NR3C2: variants seen among roughly 807,000 people sequenced by gnomAD.
NR3C2 encodes mineralocorticoid receptor.
In NR3C2, 15 loss-of-function variants were observed where a neutral mutation model predicts 86.4. That is an observed-to-expected ratio of 0.17 (90% confidence interval 0.12 to 0.27). The LOEUF (loss-of-function observed/expected upper bound fraction) is 0.27, where lower values mean the gene tolerates loss of function less well. Ranked by LOEUF, NR3C2 falls within the 10% of genes least tolerant of loss-of-function variation. The probability of loss-of-function intolerance (pLI) is 1.00; values close to 1 mark genes in which losing one functional copy is unlikely to be tolerated. For missense variants in NR3C2, 960 were observed against 1,195.6 expected (o/e 0.80, Z 2.91); for synonymous variants, 458 against 450.5 (o/e 1.02, Z -0.21).
At chr4:148,327,432 C>T (rs1744025562) in intron 2 of NR3C2, among the ~76,000 whole-genome samples, 1 of 152,048 alleles carries the variant, frequency 6.6e-6, no homozygotes, top group African/African-American at 2.4e-5. Flanking sequence ...AATCTAAAAA[C>T]AAAAACAAAA....
chr4:148,426,807 T>C (rs1044189664), intron 2 of NR3C2, among the ~76,000 whole-genome samples: 1 of 152,208 alleles, frequency 6.6e-6, no homozygotes, highest in South Asian at 2.1e-4. Context: ...GCAATTTCTA[T>C]GAAGAGGCCT....
chr4:148,307,984 T>A (rs1375500122), intron 2 of NR3C2, among the ~76,000 whole-genome samples: 1 of 152,118 alleles, frequency 6.6e-6, no homozygotes, highest in African/African-American at 2.4e-5. Context: ...GCAACAGGAC[T>A]GAGCAGAGAT....
At chr4:148,204,458 T>C (rs1203430416) in intron 3 of NR3C2, among the ~76,000 whole-genome samples, 2 of 152,178 alleles carry the variant, frequency 1.3e-5, no homozygotes, top group Non-Finnish European at 2.9e-5. Flanking sequence ...TCATACCTAA[T>C]TTAAACCTTT....
In NR3C2 at chr4:148,311,194, A is replaced by G. The variant is rs577261048; in HGVS notation, c.1758-51077T>C. Among the ~76,000 whole-genome samples the G allele has an allele frequency of 1.6e-4, 25 of 152,112 alleles. No homozygotes were observed. In the East Asian group the frequency reaches 3.3e-3, roughly 20 times the overall value. On this transcript the variant is annotated intron_variant, in intron 2 of 8. Transcript: ENST00000358102. Reference sequence around the variant, plus strand: ...TTCTCTTGGATATTTTCGTTTCTCCATTCTCTGGGTAACCTCATTCAGCTC... The same window carrying G: ...TTCTCTTGGATATTTTCGTTTCTCCGTTCTCTGGGTAACCTCATTCAGCTC...
chr4:148,081,023 A>ATAGTT lies in NR3C2; in HGVS notation c.*316_*320dup. 1 of 392,656 alleles carries ATAGTT rather than the reference A, an allele frequency of 2.5e-6. No individual in the cohort carries two copies. The highest frequency in any genetic ancestry group is 2.2e-5 in the South Asian group (1 of 45,278). The allele number at this position is 392,656 out of a possible 1,614,324, so 24.3% of individuals were successfully genotyped here. A position where few individuals can be genotyped will look rare whatever the true frequency, so the allele number is the denominator to read the frequency against. The stretch of plus-strand genomic sequence containing the variant: ...CGAACGATACCAGAAACTACACGGC[A>ATAGTT]TAGTTAAAACTTCTTCCATCTGTGA... On this transcript the variant is annotated 3_prime_UTR_variant, in exon 9 of 9. Coordinates refer to ENST00000358102, the MANE Select transcript of NR3C2 (RefSeq NM_000901.5).
At chr4:148,232,235 G>A (rs11939588) in intron 3 of NR3C2, among the ~76,000 whole-genome samples, 38,470 of 152,052 alleles carry the variant, frequency 0.25, 5,458 homozygotes, top group Admixed American at 0.37. Context: ...CACTATGCAC[G>A]GCAGTGATTG....
chr4:148,354,317 T>C (rs1745444786), intron 2 of NR3C2, among the ~76,000 whole-genome samples: 2 of 152,140 alleles, frequency 1.3e-5, no homozygotes, highest in Non-Finnish European at 2.9e-5. Context: ...ACATATAAAA[T>C]ATGAGCTAAT....
At chr4:148,231,856 C>A (rs926449076) in intron 3 of NR3C2, among the ~76,000 whole-genome samples, 1 of 152,176 alleles carries the variant, frequency 6.6e-6, no homozygotes, top group Non-Finnish European at 1.5e-5. Context: ...ATGTTCAAAG[C>A]ATCTTCTCCA....
At chr4:148,299,055 C>T (rs371707344) in intron 2 of NR3C2, among the ~76,000 whole-genome samples, 1 of 152,260 alleles carries the variant, frequency 6.6e-6, no homozygotes, top group East Asian at 1.9e-4. Flanking sequence ...GTATTCAATA[C>T]GTGAGGTGGG....
intron 2 of NR3C2, among the ~76,000 whole-genome samples, chr4:148,312,587 G>A (rs995769884): frequency 6.6e-6 from 1 of 152,132 alleles, no homozygotes; most frequent in Non-Finnish European, 1.5e-5. Context: ...ATGAAAGAAT[G>A]AATTTCCGTG....
chr4:148,423,227 T>TA (rs11363007), intron 2 of NR3C2, among the ~76,000 whole-genome samples: 58 of 148,896 alleles, frequency 3.9e-4, no homozygotes, highest in African/African-American at 1.1e-3. Flanking sequence ...ATTCCTGAAT[T>TA]AAAAAAAAAA....
chr4:148,350,705 A>G (rs942786746), intron 2 of NR3C2, among the ~76,000 whole-genome samples: 3 of 152,164 alleles, frequency 2.0e-5, no homozygotes, highest in African/African-American at 7.2e-5. Flanking sequence ...CCACACTCTA[A>G]TCTTGTTGGC....
intron 6 of NR3C2, among the ~76,000 whole-genome samples, chr4:148,137,522 T>C (rs1733401420): frequency 6.6e-6 from 1 of 152,216 alleles, no homozygotes; most frequent in Non-Finnish European, 1.5e-5. Flanking sequence ...TTAGGGACTA[T>C]GTTCTATCTA....
intron 4 of NR3C2, among the ~76,000 whole-genome samples, chr4:148,183,993 T>C (rs528010968): frequency 6.6e-6 from 1 of 152,156 alleles, no homozygotes; most frequent in East Asian, 1.9e-4. Flanking sequence ...GCCGCAGGTA[T>C]CTAGTAGGTA....
intron 2 of NR3C2, among the ~76,000 whole-genome samples, chr4:148,383,763 C>T (rs1369871767): frequency 1.3e-5 from 2 of 152,146 alleles, no homozygotes; most frequent in African/African-American, 4.8e-5. Context: ...GCCTGGTCAA[C>T]ATGGTGAAAC....
intron 2 of NR3C2, among the ~76,000 whole-genome samples, chr4:148,382,357 A>G (rs775858633): frequency 6.6e-6 from 1 of 152,208 alleles, no homozygotes; most frequent in Non-Finnish European, 1.5e-5. Flanking sequence ...CCGTGCACTT[A>G]ATATCTAATA....
chr4:148,131,317 C>T (rs915894506), intron 6 of NR3C2, among the ~76,000 whole-genome samples: 6 of 152,160 alleles, frequency 3.9e-5, no homozygotes, highest in Admixed American at 6.5e-5. Flanking sequence ...GTATCTGGTA[C>T]TGCAAACTGC....
intron 2 of NR3C2, among the ~76,000 whole-genome samples, chr4:148,413,851 T>C (rs765518545): frequency 2.6e-5 from 4 of 152,158 alleles, no homozygotes; most frequent in African/African-American, 4.8e-5. Flanking sequence ...GATGAGAACG[T>C]AAACTAGTAC....
chr4:148,406,184 C>T (rs1393903553), intron 2 of NR3C2, among the ~76,000 whole-genome samples: 2 of 151,650 alleles, frequency 1.3e-5, no homozygotes, highest in Non-Finnish European at 2.9e-5. Flanking sequence ...AACAAACAAA[C>T]AAAAAAAGTG....
Sources: allele counts gnomAD v4.1 joint callset (sites outside exome capture counted in the v4.1 genomes callset), GRCh38; gene constraint gnomAD v4.1.1; transcripts MANE v1.5; gene names NCBI Gene and HGNC (gene_info 2026-07-23, HGNC 2026-07-21).